Variants in RP2 observed in about 807,000 individuals in gnomAD.
The protein encoded by RP2 is protein XRP2.
In RP2, 3 loss-of-function variants were observed where a neutral mutation model predicts 20.3. That is an observed-to-expected ratio of 0.15 (90% CI 0.07 to 0.38). The LOEUF is 0.38. Ranked by LOEUF, RP2 falls within the 10% of genes least tolerant of loss-of-function variation. The pLI is 1.00. For synonymous variants in RP2, 75 were observed against 94.8 expected, an observed-to-expected ratio of 0.79 and a Z score of 1.22; for missense variants, 233 against 268.5, an observed-to-expected ratio of 0.87 and a Z score of 0.92.
At chrX:46,839,174 GT>G (rs201750245) in intron 1 of RP2, among the ~76,000 whole-genome samples, 6 of 110,425 alleles carry the variant, frequency 5.4e-5, no homozygotes, top group African/African-American at 2.0e-4. Flanking sequence ...TTTCTTTTTA[GT>G]TTTTTTTTCT....
Position 46,837,209 on chromosome X carries a change from A to T in RP2, c.102+7A>T. ...CTGGGATCAGCGCGAGAAGGTAATG[A>T]AAGTCGTGTAGCCGCCGTCTCAGCC... On this transcript the variant is annotated splice_region_variant and intron_variant, in intron 1 of 4. Transcript: ENST00000218340. 8.6e-7 allele frequency: 1 copy of T among 1,163,709 alleles called. No homozygotes were observed. The highest frequency in any genetic ancestry group is 1.2e-6 in the Non-Finnish European group (1 of 869,562).
chrX:46,877,807 C>T (rs1556327935), intron 4 of RP2, among the ~76,000 whole-genome samples: 1 of 109,569 alleles, frequency 9.1e-6, no homozygotes, highest in African/African-American at 3.3e-5. Context: ...TCTTGCCAAA[C>T]TAAACTTTAA....
At chrX:46,877,664 T>G (rs1925393049) in intron 4 of RP2, 74 bp downstream of exon 4, 1 of 753,072 alleles carries the variant, frequency 1.3e-6, no homozygotes, top group East Asian at 3.3e-5. Flanking sequence ...CAAATAATAC[T>G]TTAATACTTT....
chrX:46,849,947 C>A (rs190072566), intron 1 of RP2, among the ~76,000 whole-genome samples: 2 of 112,039 alleles, frequency 1.8e-5, no homozygotes, highest in Admixed American at 1.9e-4. Flanking sequence ...TAAGAAGATT[C>A]AGTTAGCTTG....
In RP2 at chrX:46,881,982, T is replaced by C. The variant is rs1026784152; in HGVS notation, c.*2213T>C. ...ATCTATTAACCAAAGCTTAAAATTTTGTATTCTTCTGTTAGATAAGACCTT... is the reference window on the plus strand; with the variant it reads ...ATCTATTAACCAAAGCTTAAAATTTCGTATTCTTCTGTTAGATAAGACCTT... On this transcript the variant is annotated 3_prime_UTR_variant, in exon 5 of 5. Coordinates refer to ENST00000218340, the MANE Select transcript of RP2 (RefSeq NM_006915.3). 2.7e-5 allele frequency: 3 copies of C among 112,052 alleles called. No individual in the cohort carries two copies. The highest frequency in any genetic ancestry group is 5.6e-5 in the Non-Finnish European group (3 of 53,246). The allele number at this position is 112,052 out of a possible 1,213,427, so 9.2% of individuals were successfully genotyped here. A position where few individuals can be genotyped will look rare whatever the true frequency, so the allele number is the denominator to read the frequency against.
At chrX:46,874,315 T>C (rs1925337883) in intron 3 of RP2, among the ~76,000 whole-genome samples, 1 of 111,777 alleles carries the variant, frequency 8.9e-6, no homozygotes, top group African/African-American at 3.2e-5. Flanking sequence ...CTAACTTAAA[T>C]ACACACACAC....
At chrX:46,862,683 C>CA (rs1181108683) in intron 3 of RP2, among the ~76,000 whole-genome samples, 2 of 111,049 alleles carry the variant, frequency 1.8e-5, no homozygotes, top group Non-Finnish European at 3.8e-5. Flanking sequence ...AACAAACAAA[C>CA]AAAAAAACCC....
chrX:46,868,785 CAAAAAAAAAAA>C (rs142957575), intron 3 of RP2, among the ~76,000 whole-genome samples: 13 of 43,455 alleles, frequency 3.0e-4, no homozygotes, highest in African/African-American at 1.0e-3. Context: ...TACTCCATCT[CAAAAAAAAAAA>C]AAAAAAAGAA....
chrX:46,868,140 A>G (rs1925208673), intron 3 of RP2, among the ~76,000 whole-genome samples: 1 of 112,047 alleles, frequency 8.9e-6, no homozygotes. Context: ...AGCATTTGCT[A>G]TTGTCAGTTT....
At chrX:46,843,030 C>G (rs1408371178) in intron 1 of RP2, among the ~76,000 whole-genome samples, 1 of 88,137 alleles carries the variant, frequency 1.1e-5, no homozygotes, top group African/African-American at 4.4e-5. Flanking sequence ...TTTTTTGAGA[C>G]GTAGTCTCAC....
Position 46,852,580 on chromosome X carries a change from T to TTTA in RP2, c.103-881_103-879dup, listed in dbSNP as rs1184661524. Among the ~76,000 whole-genome samples, 26 of 110,309 alleles carry TTTA rather than the reference T, an allele frequency of 2.4e-4. No homozygotes were observed. The East Asian group carries it at 2.8e-3, about 12-fold the overall frequency. On this transcript the variant is annotated intron_variant, in intron 1 of 4. Coordinates refer to ENST00000218340, the MANE Select transcript of RP2 (RefSeq NM_006915.3). Reference sequence around the variant, plus strand: ...TACATTCCCAATTTCAGAATTTTATTTTATTATTATTATTATTTTTGGGAC... The same window carrying TTTA: ...TACATTCCCAATTTCAGAATTTTATTTTATTATTATTATTATTATTTTTGGGAC...
chrX:46,843,061 G>A (rs1232751420), intron 1 of RP2, among the ~76,000 whole-genome samples: 4 of 102,182 alleles, frequency 3.9e-5, no homozygotes, highest in South Asian at 4.6e-4. Context: ...AGGCTGGAGT[G>A]CAGTGGTGTG....
At chrX:46,851,258 C>CA (rs1247963553) in intron 1 of RP2, among the ~76,000 whole-genome samples, 3 of 110,851 alleles carry the variant, frequency 2.7e-5, no homozygotes, top group East Asian at 2.8e-4. Flanking sequence ...ATGGAAGAAA[C>CA]AAAAATAGGC....
At chrX:46,845,770 GT>G (rs1316468114) in intron 1 of RP2, among the ~76,000 whole-genome samples, 19 of 105,840 alleles carry the variant, frequency 1.8e-4, no homozygotes, top group African/African-American at 4.4e-4. Flanking sequence ...TGTATCAAGA[GT>G]TTTTTTTTTT....
chrX:46,853,974 A>G lies in RP2; in HGVS notation c.601A>G (p.Ile201Val), dbSNP rs149503319. 643 of 1,210,213 alleles carry G rather than the reference A, an allele frequency of 5.3e-4. 2 individuals are homozygous for G. The African/African-American group carries it at 0.01, about 19-fold the overall frequency. Residue 201 changes from isoleucine (I) to valine (V), a missense_variant, in exon 2 of 5, where the codon ATA becomes GTA. Ile to Val is a conservative substitution (Grantham distance 29). This residue lies in a region of RP2 where 118 missense variants were observed against 123.8 expected (regional missense o/e 0.95). Transcript: ENST00000218340. ...EDAVVQDYVP[I>V]PTTEELKAVR... is the part of the protein sequence containing the mutation. ...TGCTGTGGTTCAGGACTATGTTCCT[A>G]TACCTACTACCGAAGAGCTCAAAGC...
At chrX:46,838,903 CT>C (rs782427716) in intron 1 of RP2, among the ~76,000 whole-genome samples, 1 of 109,739 alleles carries the variant, frequency 9.1e-6, no homozygotes. Flanking sequence ...TACAGAGAAC[CT>C]TTTTTTTTGA....
intron 3 of RP2, among the ~76,000 whole-genome samples, chrX:46,868,630 C>CA (rs1556323880): frequency 9.4e-6 from 1 of 106,166 alleles, no homozygotes; most frequent in Non-Finnish European, 1.9e-5. Context: ...ACTAAAAATA[C>CA]AAAAAATTAG....
intron 3 of RP2, among the ~76,000 whole-genome samples, chrX:46,868,616 C>A (rs1285655702): frequency 9.4e-6 from 1 of 106,535 alleles, no homozygotes; most frequent in East Asian, 3.0e-4. Context: ...AAACCCGGGT[C>A]TCTACTAAAA....
chrX:46,841,430 T>TTA (rs2147076245), intron 1 of RP2, among the ~76,000 whole-genome samples: 1 of 112,236 alleles, frequency 8.9e-6, no homozygotes, highest in East Asian at 2.8e-4. Context: ...TTAAGCAGGG[T>TTA]TGACTCTGCT....
Sources: gnomAD v4.1 joint callset for allele counts (sites outside exome capture counted in the v4.1 genomes callset) on GRCh38, gnomAD v4.1.1 for gene constraint, gnomAD v4.1.1 regional missense constraint, MANE v1.5 for transcripts, NCBI Gene and HGNC (gene_info 2026-07-23, HGNC 2026-07-21) for gene names.